The following BTBD10 variants were observed in gnomAD, a reference collection of about 807,000 sequenced individuals.
The protein encoded by BTBD10 is BTB domain containing 10.
A neutral mutation model predicts 53.2 loss-of-function variants in BTBD10; 21 were observed. That is an observed-to-expected ratio of 0.39 (90% CI 0.28 to 0.57). The LOEUF is 0.57. BTBD10 is among the 20% of genes least tolerant of loss of function. BTBD10 has a pLI of 0.53. For synonymous variants in BTBD10, 149 were observed against 192.7 expected (o/e 0.77, Z 1.88); for missense variants, 360 against 594.7 (o/e 0.61, Z 4.10).
At position 13,396,517 on chromosome 11, in the gene BTBD10, C is replaced by T. The variant is rs527334667; in HGVS notation, c.1117+6651G>A. ...ACAATTTGGCTTCCTCTTTTCCTAACTGAATACCCTTTATTTCCTTCTCCT... is the reference window on the plus strand; with the variant it reads ...ACAATTTGGCTTCCTCTTTTCCTAATTGAATACCCTTTATTTCCTTCTCCT... On this transcript the variant is annotated intron_variant, in intron 8 of 8. Coordinates refer to ENST00000278174, the MANE Select transcript of BTBD10 (RefSeq NM_032320.7). Among the ~76,000 whole-genome samples, 432 of 152,216 alleles carry T rather than the reference C, an allele frequency of 2.8e-3. 2 individuals are homozygous for T. Among genetic ancestry groups the T allele is most frequent in the Non-Finnish European group, 5.0e-3 (337 of 67,988 alleles).
At chr11:13,461,839 T>C (rs1951105269) in intron 1 of BTBD10, among the ~76,000 whole-genome samples, 1 of 152,200 alleles carries the variant, frequency 6.6e-6, no homozygotes, top group African/African-American at 2.4e-5. Context: ...TTTGTATGTA[T>C]TAATATAATA....
chr11:13,404,243 A>G (rs1412675551), intron 7 of BTBD10, among the ~76,000 whole-genome samples: 1 of 152,216 alleles, frequency 6.6e-6, no homozygotes, highest in East Asian at 1.9e-4. Flanking sequence ...CCGAAAGGCT[A>G]TCTCTAGCTC....
chr11:13,455,353 T>C (rs1005292525), intron 1 of BTBD10, among the ~76,000 whole-genome samples: 22 of 152,248 alleles, frequency 1.4e-4, no homozygotes, highest in Admixed American at 3.9e-4. Flanking sequence ...TTATAGAATT[T>C]CTATTCAAAT....
At chr11:13,393,090 G>C (rs965567486) in intron 8 of BTBD10, among the ~76,000 whole-genome samples, 1 of 152,166 alleles carries the variant, frequency 6.6e-6, no homozygotes, top group South Asian at 2.1e-4. Flanking sequence ...TTGTGGTGTG[G>C]AGAATGATTT....
chr11:13,412,542 A>G (rs918819141), intron 6 of BTBD10, among the ~76,000 whole-genome samples: 1 of 152,236 alleles, frequency 6.6e-6, no homozygotes, highest in Non-Finnish European at 1.5e-5. Flanking sequence ...TCTATTGGAC[A>G]ATCTATTGGA....
intron 2 of BTBD10, among the ~76,000 whole-genome samples, chr11:13,432,473 G>C (rs962225317): frequency 1.3e-5 from 2 of 152,098 alleles, no homozygotes; most frequent in Non-Finnish European, 2.9e-5. Context: ...ATCATTGAAG[G>C]AGGCTGAGTA....
chr11:13,433,676 A>G (rs950653060), intron 2 of BTBD10, among the ~76,000 whole-genome samples: 1 of 152,192 alleles, frequency 6.6e-6, no homozygotes, highest in Non-Finnish European at 1.5e-5. Context: ...GAACACAGCC[A>G]TGTCTATTCA....
At chr11:13,448,565 C>A (rs1950792223) in intron 1 of BTBD10, among the ~76,000 whole-genome samples, 1 of 152,172 alleles carries the variant, frequency 6.6e-6, no homozygotes, top group Non-Finnish European at 1.5e-5. Context: ...TCCTTGACTT[C>A]TTTTTCATTT....
At chr11:13,427,876 T>C (rs143304139) in intron 2 of BTBD10, among the ~76,000 whole-genome samples, 3 of 152,022 alleles carry the variant, frequency 2.0e-5, no homozygotes, top group East Asian at 3.9e-4. Flanking sequence ...CTAAACAACT[T>C]ACAGAGCAAT....
In BTBD10 at chr11:13,413,621, A is replaced by G; in HGVS notation, c.717T>C (p.Cys239=). The G allele has an allele frequency of 6.2e-7, 1 of 1,611,544 alleles. No homozygotes were observed. Among genetic ancestry groups the G allele is most frequent in the Non-Finnish European group, 8.5e-7 (1 of 1,178,584 alleles). ...LDYYKTGIIR[C]PDGISIPELR... The stretch of plus-strand genomic sequence containing the variant: ...GTTCAGGAATAGATATGCCATCAGG[A>G]CAACGGATTATTCCTGTTTTATAGT... Residue 239 remains cysteine, a synonymous_variant, in exon 6 of 9, where the codon TGT becomes TGC. Coordinates refer to ENST00000278174, the MANE Select transcript of BTBD10 (RefSeq NM_032320.7).
rs149291328 is a variant in BTBD10 at position 13,388,700 on chromosome 11, C to G, written c.*131G>C. On this transcript the variant is annotated 3_prime_UTR_variant, in exon 9 of 9. Coordinates refer to ENST00000278174, the MANE Select transcript of BTBD10 (RefSeq NM_032320.7). ...CAGCTACCTTTGGTCTTTAAAAAAG[C>G]CTACACTGCAATATCCTAAACATTG... 1.6e-4 allele frequency: 163 copies of G among 1,004,242 alleles called. 1 individual carries two copies. The highest frequency in any genetic ancestry group is 2.2e-4 in the Non-Finnish European group (151 of 697,946). The allele number at this position is 1,004,242 out of a possible 1,614,324, so 62.2% of individuals were successfully genotyped here. A position where few individuals can be genotyped will look rare whatever the true frequency, so the allele number is the denominator to read the frequency against.
At chr11:13,429,358 G>A (rs990946674) in intron 2 of BTBD10, among the ~76,000 whole-genome samples, 4 of 152,064 alleles carry the variant, frequency 2.6e-5, no homozygotes, top group Non-Finnish European at 4.4e-5. Flanking sequence ...TAAAAGAACA[G>A]TTGGAAGACT....
At chr11:13,392,395 T>C (rs1949432408) in intron 8 of BTBD10, among the ~76,000 whole-genome samples, 1 of 152,084 alleles carries the variant, frequency 6.6e-6, no homozygotes, top group Admixed American at 6.6e-5. Context: ...ACACAGAAGA[T>C]GGTTTAGGAG....
intron 2 of BTBD10, among the ~76,000 whole-genome samples, 166 bp downstream of exon 2, chr11:13,444,858 G>C (rs916655565): frequency 6.6e-6 from 1 of 152,130 alleles, no homozygotes; most frequent in East Asian, 1.9e-4. Context: ...AAATTAAAAA[G>C]AAATGTTTCT....
intron 1 of BTBD10, among the ~76,000 whole-genome samples, chr11:13,452,233 T>A (rs1441747127): frequency 6.6e-6 from 1 of 152,158 alleles, no homozygotes; most frequent in African/African-American, 2.4e-5. Context: ...ACCATATGAT[T>A]TCATATGTAT....
chr11:13,439,882 ACCTT>A, intron 2 of BTBD10: 1 of 1,524,054 alleles, frequency 6.6e-7, no homozygotes, highest in South Asian at 1.2e-5. Context: ...ATGAATACAC[ACCTT>A]CCTTTAGTAT....
intron 8 of BTBD10, among the ~76,000 whole-genome samples, chr11:13,395,959 A>AC (rs139695600): frequency 0.16 from 23,893 of 151,990 alleles, 2,033 homozygotes; most frequent in Admixed American, 0.24. Flanking sequence ...GTATAGTTTG[A>AC]AGTCAGGTAG....
At chr11:13,444,212 A>G (rs1013217245) in intron 2 of BTBD10, among the ~76,000 whole-genome samples, 4 of 152,078 alleles carry the variant, frequency 2.6e-5, no homozygotes, top group African/African-American at 4.8e-5. Context: ...CGATTTCATT[A>G]TCACAATATT....
chr11:13,452,905 A>G (rs1281890932), intron 1 of BTBD10, among the ~76,000 whole-genome samples: 1 of 152,168 alleles, frequency 6.6e-6, no homozygotes, highest in African/African-American at 2.4e-5. Flanking sequence ...CCTAATATAA[A>G]TTTTGTGTAT....
Sources: gnomAD v4.1 joint callset for allele counts (sites outside exome capture counted in the v4.1 genomes callset) on GRCh38, gnomAD v4.1.1 for gene constraint, MANE v1.5 for transcripts, NCBI Gene and HGNC (gene_info 2026-07-23, HGNC 2026-07-21) for gene names.